Variants in OSTN observed in about 807,000 individuals in gnomAD.
The protein encoded by OSTN is osteocrin.
In OSTN, 9 loss-of-function variants were observed where a neutral mutation model predicts 12.0. That is an observed-to-expected ratio of 0.75 (90% confidence interval 0.45 to 1.30). The LOEUF (loss-of-function observed/expected upper bound fraction) is 1.30. Ranked by LOEUF, OSTN falls within the 50% of genes most tolerant of loss-of-function variation. The pLI is 0.00. For missense variants in OSTN, 148 were observed against 152.3 expected (o/e 0.97, Z 0.15); for synonymous variants, 59 against 56.9 (o/e 1.04, Z -0.16).
chr3:191,240,021 T>A (rs1715284510), intron 3 of OSTN, among the ~76,000 whole-genome samples: 1 of 152,214 alleles, frequency 6.6e-6, no homozygotes, highest in East Asian at 1.9e-4. Context: ...GCAATAAAAA[T>A]GACATTTTGT....
intron 3 of OSTN, among the ~76,000 whole-genome samples, chr3:191,223,494 T>G (rs1714822561): frequency 6.6e-6 from 1 of 152,218 alleles, no homozygotes; most frequent in African/African-American, 2.4e-5. Flanking sequence ...CATCAAACTT[T>G]CAGGTAAAAC....
At chr3:191,229,889 A>AC (rs1006857474) in intron 3 of OSTN, 1 of 151,808 alleles carries the variant, frequency 6.6e-6, no homozygotes, top group Non-Finnish European at 1.5e-5. Flanking sequence ...ATATGGTGAA[A>AC]CCCCGTCTCT....
intron 1 of OSTN, among the ~76,000 whole-genome samples, chr3:191,206,174 G>A (rs1357399369): frequency 7.0e-6 from 1 of 142,082 alleles, no homozygotes; most frequent in South Asian, 2.2e-4. Context: ...CAACAAGAGC[G>A]AAACTCCATC....
In OSTN at chr3:191,263,108, A is replaced by T. The variant is rs912761552; in HGVS notation, c.*255A>T. 2 of 454,836 alleles carry T rather than the reference A, an allele frequency of 4.4e-6. No individual in the cohort carries two copies. Among genetic ancestry groups the T allele is most frequent in the African/African-American group, 4.0e-5 (2 of 50,474 alleles). The allele number at this position is 454,836 out of a possible 1,614,324, so 28.2% of individuals were successfully genotyped here. A position where few individuals can be genotyped will look rare whatever the true frequency, so the allele number is the denominator to read the frequency against. On this transcript the variant is annotated 3_prime_UTR_variant, in exon 5 of 5. Transcript: ENST00000682035. Reference sequence around the variant, plus strand: ...ATTCAAGAATGGTTAACTTCCCCTTAAACCTTACTTTTAAAAATAATAATT... The same window carrying T: ...ATTCAAGAATGGTTAACTTCCCCTTTAACCTTACTTTTAAAAATAATAATT...
intron 3 of OSTN, among the ~76,000 whole-genome samples, chr3:191,227,347 T>C (rs1048338916): frequency 7.2e-5 from 11 of 152,230 alleles, no homozygotes; most frequent in Non-Finnish European, 1.3e-4. Flanking sequence ...AAATAATTAC[T>C]GAGGCTATGA....
At chr3:191,214,201 A>G (rs1714540669) in intron 2 of OSTN, among the ~76,000 whole-genome samples, 1 of 152,098 alleles carries the variant, frequency 6.6e-6, no homozygotes, top group African/African-American at 2.4e-5. Context: ...AGTAAAGAGG[A>G]CTTCATTTAA....
intron 1 of OSTN, among the ~76,000 whole-genome samples, chr3:191,210,295 C>G (rs1714386152): frequency 6.6e-6 from 1 of 152,216 alleles, no homozygotes; most frequent in Non-Finnish European, 1.5e-5. Context: ...CTGGAGGCAA[C>G]TCACGGCAGT....
chr3:191,202,172 A>C (rs971901186), intron 1 of OSTN, among the ~76,000 whole-genome samples: 4 of 152,262 alleles, frequency 2.6e-5, no homozygotes, highest in Non-Finnish European at 2.9e-5. Flanking sequence ...TGTTTAAAAA[A>C]TAGAATTATA....
intron 1 of OSTN, among the ~76,000 whole-genome samples, chr3:191,210,153 A>G (rs1714381773): frequency 6.6e-6 from 1 of 152,224 alleles, no homozygotes; most frequent in African/African-American, 2.4e-5. Context: ...AGCAGGAGGA[A>G]AAAGAGAGGA....
chr3:191,243,865 A>G (rs970408034), intron 3 of OSTN, among the ~76,000 whole-genome samples: 3 of 152,148 alleles, frequency 2.0e-5, no homozygotes, highest in Admixed American at 6.5e-5. Flanking sequence ...CCTTTTAAGT[A>G]CAATTCTGGA....
At chr3:191,219,869 T>C (rs1297833669) in intron 3 of OSTN, among the ~76,000 whole-genome samples, 1 of 152,176 alleles carries the variant, frequency 6.6e-6, no homozygotes, top group Non-Finnish European at 1.5e-5. Flanking sequence ...CCTAAATTAT[T>C]AAATTTTTTT....
In OSTN at chr3:191,262,830, CAT is replaced by C. The variant is rs113849226; in HGVS notation, c.*13-35_*13-34del. The stretch of plus-strand genomic sequence containing the variant: ...ACTTCCACCTGATCTACAGAGTTCT[CAT>C]TAGCTTTAACAATCTCAACTTTCGT... On this transcript the variant is annotated intron_variant, in intron 4 of 4. Transcript: ENST00000682035. The C allele has an allele frequency of 5.5e-4, 389 of 701,536 alleles. 4 individuals carry two copies. In the African/African-American group the frequency reaches 5.8e-3, roughly 10 times the overall value. 43.5% of individuals were successfully genotyped at this position (701,536 alleles called of 1,614,324 possible). A position where few individuals can be genotyped will look rare whatever the true frequency, so the allele number is the denominator to read the frequency against.
chr3:191,233,958 C>T (rs968506411), intron 3 of OSTN, among the ~76,000 whole-genome samples: 1 of 151,640 alleles, frequency 6.6e-6, no homozygotes, highest in Non-Finnish European at 1.5e-5. Flanking sequence ...CACCATTACA[C>T]TCCAGCATGG....
At chr3:191,234,498 A>C (rs1715138108) in intron 3 of OSTN, 1 of 152,258 alleles carries the variant, frequency 6.6e-6, no homozygotes, top group Non-Finnish European at 1.5e-5. Flanking sequence ...GGAGTTTGTC[A>C]CCAGCCTGGC....
chr3:191,247,365 C>G (rs1281295589), intron 3 of OSTN, among the ~76,000 whole-genome samples: 1 of 152,070 alleles, frequency 6.6e-6, no homozygotes, highest in Admixed American at 6.5e-5. Context: ...TAGAACACCA[C>G]TTAAGAGGAT....
At position 191,229,209 on chromosome 3, in the gene OSTN, C is replaced by T. The variant is rs574318243; in HGVS notation, c.317+10248C>T. Among the ~76,000 whole-genome samples, 19 of 152,226 alleles carry T rather than the reference C, an allele frequency of 1.2e-4. No homozygotes were observed. The South Asian group carries it at 3.7e-3, about 30-fold the overall frequency. ...TTAGAAAGGAGATGGAAAGAGAAGG[C>T]GATTCTGAAGACTAAAGTAGAGGGA... On this transcript the variant is annotated intron_variant, in intron 3 of 4. Transcript: ENST00000682035.
At chr3:191,257,145 C>T (rs1715689781) in intron 4 of OSTN, among the ~76,000 whole-genome samples, 1 of 140,010 alleles carries the variant, frequency 7.1e-6, no homozygotes, top group African/African-American at 2.7e-5. Flanking sequence ...ATGATCACAC[C>T]ACTGCACTCC....
At chr3:191,209,612 GATAA>G (rs1287606398) in intron 1 of OSTN, among the ~76,000 whole-genome samples, 1 of 152,152 alleles carries the variant, frequency 6.6e-6, no homozygotes, top group African/African-American at 2.4e-5. Flanking sequence ...AATTATATTT[GATAA>G]ATAAATGTTA....
intron 3 of OSTN, among the ~76,000 whole-genome samples, chr3:191,249,058 A>G (rs1715501498): frequency 1.3e-5 from 2 of 152,230 alleles, no homozygotes; most frequent in African/African-American, 2.4e-5. Flanking sequence ...TAATATTTTT[A>G]TAATATGCCC....
Sources: allele counts gnomAD v4.1 joint callset (sites outside exome capture counted in the v4.1 genomes callset), GRCh38; gene constraint gnomAD v4.1.1; transcripts MANE v1.5; gene names NCBI Gene and HGNC (gene_info 2026-07-23, HGNC 2026-07-21).